The following KCNQ5 variants were observed in gnomAD, a reference collection of about 807,000 sequenced individuals.
KCNQ5 encodes potassium voltage-gated channel subfamily Q member 5, also known as potassium voltage-gated channel subfamily KQT member 5.
KCNQ5 carries 30 observed loss-of-function variants against 98.2 expected under a neutral mutation model. The ratio of observed to expected loss-of-function variants is 0.31; its 90% CI spans 0.23 to 0.41. The LOEUF (loss-of-function observed/expected upper bound fraction) is 0.41. KCNQ5 is among the 10% of genes least tolerant of loss of function. The probability of loss-of-function intolerance (pLI) is 1.00; values close to 1 mark genes in which losing one functional copy is unlikely to be tolerated. For synonymous variants in KCNQ5, 458 were observed against 449.4 expected, an observed-to-expected ratio of 1.02 and a Z score of -0.24; for missense variants, 835 against 1,182.5, an observed-to-expected ratio of 0.71 and a Z score of 4.31.
intron 1 of KCNQ5, among the ~76,000 whole-genome samples, chr6:72,939,643 G>A (rs752058622): frequency 2.6e-5 from 4 of 152,064 alleles, no homozygotes; most frequent in South Asian, 2.1e-4. Flanking sequence ...GTATGCTTCC[G>A]CACTGATTAA....
At chr6:72,924,520 C>T (rs1021236637) in intron 1 of KCNQ5, among the ~76,000 whole-genome samples, 2 of 152,166 alleles carry the variant, frequency 1.3e-5, no homozygotes, top group Admixed American at 6.5e-5. Flanking sequence ...GACCCCACAG[C>T]CTATTGTCAT....
intron 1 of KCNQ5, among the ~76,000 whole-genome samples, chr6:72,840,790 C>G (rs1776755296): frequency 6.6e-6 from 1 of 152,150 alleles, no homozygotes; most frequent in Non-Finnish European, 1.5e-5. Flanking sequence ...AGTTTATGAT[C>G]CACGGACTAG....
At chr6:72,749,780 C>T (rs1207664466) in intron 1 of KCNQ5, among the ~76,000 whole-genome samples, 1 of 151,950 alleles carries the variant, frequency 6.6e-6, no homozygotes, top group African/African-American at 2.4e-5. Flanking sequence ...TGTTATTGAC[C>T]TGCCACTGAG....
intron 1 of KCNQ5, among the ~76,000 whole-genome samples, chr6:72,808,016 A>G (rs1162994349): frequency 6.6e-6 from 1 of 152,216 alleles, no homozygotes; most frequent in African/African-American, 2.4e-5. Context: ...TCCTGACAGT[A>G]TTCACTTGCC....
At chr6:72,840,487 T>G (rs1776740471) in intron 1 of KCNQ5, among the ~76,000 whole-genome samples, 1 of 152,124 alleles carries the variant, frequency 6.6e-6, no homozygotes, top group South Asian at 2.1e-4. Context: ...CAGTGGCTCT[T>G]TCCTCATGTT....
At chr6:72,707,790 T>A (rs1422347173) in intron 1 of KCNQ5, among the ~76,000 whole-genome samples, 1 of 152,158 alleles carries the variant, frequency 6.6e-6, no homozygotes, top group Non-Finnish European at 1.5e-5. Context: ...CATAGCTCCC[T>A]GCAACCTCTA....
intron 1 of KCNQ5, among the ~76,000 whole-genome samples, chr6:72,941,616 TGA>T (rs1766305387): frequency 7.0e-6 from 1 of 141,874 alleles, no homozygotes; most frequent in Non-Finnish European, 1.5e-5. Flanking sequence ...CCTTCCTTCC[TGA>T]CTTCCTCCCC....
chr6:72,793,710 A>T (rs1774178179), intron 1 of KCNQ5, among the ~76,000 whole-genome samples: 1 of 152,250 alleles, frequency 6.6e-6, no homozygotes, highest in East Asian at 1.9e-4. Context: ...AAAAAGGGGG[A>T]TGTGGTGCCT....
chr6:72,820,794 C>G (rs1206863484), intron 1 of KCNQ5, among the ~76,000 whole-genome samples: 5 of 152,040 alleles, frequency 3.3e-5, no homozygotes, highest in Non-Finnish European at 7.4e-5. Flanking sequence ...ACCAGTAAAG[C>G]CTCAAAGCCA....
At chr6:72,924,299 C>A (rs914119375) in intron 1 of KCNQ5, among the ~76,000 whole-genome samples, 1 of 152,094 alleles carries the variant, frequency 6.6e-6, no homozygotes, top group South Asian at 2.1e-4. Flanking sequence ...ACACACTGAA[C>A]TAATCACAGG....
At chr6:72,962,218 C>CATATATAT (rs1767401593) in intron 1 of KCNQ5, among the ~76,000 whole-genome samples, 1 of 137,860 alleles carries the variant, frequency 7.3e-6, no homozygotes, top group Non-Finnish European at 1.5e-5. Flanking sequence ...TATATATATA[C>CATATATAT]ACACATATAT....
At chr6:73,108,213 C>G (rs1775081358) in intron 6 of KCNQ5, among the ~76,000 whole-genome samples, 1 of 152,218 alleles carries the variant, frequency 6.6e-6, no homozygotes, top group Non-Finnish European at 1.5e-5. Context: ...GGTGCCCGCT[C>G]CATCTCTGGG....
At chr6:72,791,296 CA>C (rs910791910) in intron 1 of KCNQ5, among the ~76,000 whole-genome samples, 2 of 152,078 alleles carry the variant, frequency 1.3e-5, no homozygotes, top group African/African-American at 4.8e-5. Context: ...CACGTGTGTG[CA>C]TGTGCGCACT....
chr6:73,192,836 T>A, intron 13 of KCNQ5, 145 bp downstream of exon 13: 1 of 650,558 alleles, frequency 1.5e-6, no homozygotes, highest in Non-Finnish European at 2.3e-6. Flanking sequence ...TCTTTGTGTG[T>A]AGACAGTGCT....
At chr6:72,645,392 A>T (rs1476249015) in intron 1 of KCNQ5, among the ~76,000 whole-genome samples, 2 of 114,402 alleles carry the variant, frequency 1.7e-5, no homozygotes, top group African/African-American at 3.5e-5. Flanking sequence ...TCTCAAGGAA[A>T]AAAAAAAAAC....
intron 1 of KCNQ5, among the ~76,000 whole-genome samples, chr6:72,714,467 A>T (rs1561938104): frequency 6.6e-6 from 1 of 152,166 alleles, no homozygotes; most frequent in South Asian, 2.1e-4. Context: ...AACTGAAAAA[A>T]AAAAGCCTTT....
At chr6:72,722,666 G>A (rs750741192) in intron 1 of KCNQ5, among the ~76,000 whole-genome samples, 5 of 151,940 alleles carry the variant, frequency 3.3e-5, no homozygotes, top group Non-Finnish European at 5.9e-5. Flanking sequence ...TTGTTCCTTC[G>A]GCATAGCTCG....
chr6:72,805,718 A>G lies in KCNQ5; in HGVS notation c.398+183131A>G, dbSNP rs557314091. Reference sequence around the variant, plus strand: ...TATTTCTGTGAAGAATGTAATTAGTATTTTGATAGGGATTGCACTGAATCT... The same window carrying G: ...TATTTCTGTGAAGAATGTAATTAGTGTTTTGATAGGGATTGCACTGAATCT... On this transcript the variant is annotated intron_variant, in intron 1 of 13. Coordinates refer to ENST00000370398, the MANE Select transcript of KCNQ5 (RefSeq NM_019842.4). 2.7e-4 allele frequency among the ~76,000 whole-genome samples: 41 copies of G among 152,246 alleles called. 1 individual carries two copies. The South Asian group carries it at 6.8e-3, about 25-fold the overall frequency.
intron 11 of KCNQ5, among the ~76,000 whole-genome samples, 179 bp from the exon 12 acceptor site, chr6:73,190,394 A>T (rs1046503851): frequency 6.6e-5 from 10 of 152,168 alleles, no homozygotes; most frequent in African/African-American, 2.4e-4. Context: ...CTCACATGAG[A>T]TGTTCTTAAA....
Sources: gnomAD v4.1 joint callset for allele counts (sites outside exome capture counted in the v4.1 genomes callset) on GRCh38, gnomAD v4.1.1 for gene constraint, MANE v1.5 for transcripts, NCBI Gene and HGNC (gene_info 2026-07-23, HGNC 2026-07-21) for gene names.